Variants in PTK2 observed in about 807,000 individuals in gnomAD.
PTK2 encodes the protein protein tyrosine kinase 2, also known as focal adhesion kinase 1.
PTK2 carries 45 observed loss-of-function variants against 150.1 expected under a neutral mutation model. The ratio of observed to expected loss-of-function variants is 0.30; its 90% CI spans 0.24 to 0.38. The LOEUF is 0.38. Ranked by LOEUF, PTK2 falls within the 10% of genes least tolerant of loss-of-function variation. The pLI is 1.00. For missense variants in PTK2, 919 were observed against 1,307.3 expected, an observed-to-expected ratio of 0.70 and a Z score of 4.58; for synonymous variants, 432 against 449.2, an observed-to-expected ratio of 0.96 and a Z score of 0.48.
chr8:140,883,627 T>C (rs1025219723), intron 3 of PTK2, among the ~76,000 whole-genome samples: 8 of 152,332 alleles, frequency 5.3e-5, no homozygotes, highest in East Asian at 3.9e-4. Flanking sequence ...GCTTTCATCA[T>C]TGGGTTATCA....
intron 22 of PTK2, chr8:140,734,851 A>G (rs2100051674): frequency 4.2e-6 from 2 of 475,728 alleles, no homozygotes; most frequent in Non-Finnish European, 8.4e-6. Context: ...TGAAGACAGC[A>G]TGTGAAAACG....
At chr8:140,665,082 C>T in intron 30 of PTK2, 85 bp from the exon 35 acceptor site, 6 of 1,276,204 alleles carry the variant, frequency 4.7e-6, no homozygotes, top group Non-Finnish European at 6.5e-6. Flanking sequence ...TATTTCCTTT[C>T]CACAAGTTTC....
At chr8:140,790,844 A>G (rs2100088003) in intron 13 of PTK2, among the ~76,000 whole-genome samples, 2 of 152,330 alleles carry the variant, frequency 1.3e-5, no homozygotes, top group South Asian at 2.1e-4. Context: ...TCTTTGAACT[A>G]TATTTATTGG....
At chr8:140,953,192 T>TC (rs750934751) in intron 1 of PTK2, among the ~76,000 whole-genome samples, 49 of 151,828 alleles carry the variant, frequency 3.2e-4, no homozygotes, top group Non-Finnish European at 5.6e-4. Context: ...ATGCTCCTAG[T>TC]CCCCCCCAGT....
intron 10 of PTK2, 103 bp from the exon 11 acceptor site, chr8:140,803,753 CCTA>C: frequency 9.4e-7 from 1 of 1,061,318 alleles, no homozygotes; most frequent in Admixed American, 2.1e-5. Flanking sequence ...AGACATCCTC[CCTA>C]AGACTGGAGG....
intron 7 of PTK2, among the ~76,000 whole-genome samples, chr8:140,837,887 C>A (rs1173752988): frequency 6.6e-6 from 1 of 151,940 alleles, no homozygotes; most frequent in African/African-American, 2.4e-5. Flanking sequence ...GGTAAAACCC[C>A]ATCTCTACTA....
At position 140,818,373 on chromosome 8, in the gene PTK2, G is replaced by T; in HGVS notation, c.790-19C>A. Reference sequence around the variant, plus strand: ...AGCTTGACTTTTGAAGGTGAAACAAGTGAGAACAGAGGTGGCAGAAGGAAA... The same window carrying T: ...AGCTTGACTTTTGAAGGTGAAACAATTGAGAACAGAGGTGGCAGAAGGAAA... On this transcript the variant is annotated intron_variant, in intron 9 of 31. Coordinates refer to ENST00000522684, the Ensembl canonical transcript of PTK2. 1 of 1,601,462 alleles carries T rather than the reference G, an allele frequency of 6.2e-7. No homozygotes were observed. Among genetic ancestry groups the T allele is most frequent in the Non-Finnish European group, 8.6e-7 (1 of 1,168,468 alleles).
intron 10 of PTK2, among the ~76,000 whole-genome samples, chr8:140,817,215 G>T (rs2100105224): frequency 2.0e-5 from 3 of 151,526 alleles, no homozygotes; most frequent in Admixed American, 2.0e-4. Flanking sequence ...AAACACAGAA[G>T]ATTACTAAAT....
At chr8:140,679,542 G>A (rs909357994) in intron 27 of PTK2, among the ~76,000 whole-genome samples, 2 of 152,100 alleles carry the variant, frequency 1.3e-5, no homozygotes, top group Non-Finnish European at 2.9e-5. Flanking sequence ...GCTAGGCCTC[G>A]TGCATGGTTC....
intron 31 of PTK2, chr8:140,660,503 G>T: frequency 2.4e-6 from 1 of 420,974 alleles, no homozygotes; most frequent in Non-Finnish European, 4.8e-6. Flanking sequence ...GCAGGCTGAC[G>T]GCTTGAGCTC....
At chr8:140,928,381 A>C (rs1032987641) in intron 1 of PTK2, among the ~76,000 whole-genome samples, 1 of 152,234 alleles carries the variant, frequency 6.6e-6, no homozygotes, top group Admixed American at 6.5e-5. Context: ...TACAACTGCT[A>C]TGGAAAACAA....
At chr8:140,736,632 G>T (rs191667344) in intron 21 of PTK2, among the ~76,000 whole-genome samples, 1 of 152,268 alleles carries the variant, frequency 6.6e-6, no homozygotes, top group Non-Finnish European at 1.5e-5. Context: ...AACTGGTGGC[G>T]TAAAGGATGG....
intron 5 of PTK2, among the ~76,000 whole-genome samples, chr8:140,856,971 G>A: frequency 6.6e-6 from 1 of 152,124 alleles, no homozygotes; most frequent in East Asian, 1.9e-4. Context: ...CTAAGTGGTG[G>A]GTATGCTGGT....
At chr8:140,867,503 G>C (rs1407108706) in intron 4 of PTK2, among the ~76,000 whole-genome samples, 1 of 152,178 alleles carries the variant, frequency 6.6e-6, no homozygotes, top group Non-Finnish European at 1.5e-5. Context: ...CTTAACTCAA[G>C]CCTGCTTATG....
chr8:140,708,968 CAAA>C (rs34259948), intron 23 of PTK2, among the ~76,000 whole-genome samples: 2 of 132,498 alleles, frequency 1.5e-5, no homozygotes, highest in Admixed American at 7.9e-5. Context: ...TAAATTCAGG[CAAA>C]AAAAAAAAAA....
chr8:140,971,268 G>GA lies in PTK2; in HGVS notation c.-122+29856dup, dbSNP rs375934697. Among the ~76,000 whole-genome samples the GA allele has an allele frequency of 2.8e-3, 420 of 152,324 alleles. 3 individuals are homozygous for GA. In the Middle Eastern group the frequency reaches 0.041, roughly 15 times the overall value. ...TGCTGCACAAATTTACAAAAATTAT[G>GA]AAAGTATTATGGTTATTCATCAGCA... On this transcript the variant is annotated intron_variant, in intron 1 of 31. Coordinates refer to ENST00000522684, the Ensembl canonical transcript of PTK2.
chr8:140,955,276 C>T (rs111978645), intron 1 of PTK2, among the ~76,000 whole-genome samples: 2,929 of 152,242 alleles, frequency 0.019, 99 homozygotes, highest in African/African-American at 0.066. Flanking sequence ...GCAGGTCTTT[C>T]CCGTGTTCTT....
chr8:140,905,294 G>C (rs2100160404), intron 2 of PTK2, among the ~76,000 whole-genome samples: 1 of 151,850 alleles, frequency 6.6e-6, no homozygotes, highest in Admixed American at 6.6e-5. Context: ...CATGTGCAAA[G>C]ACACACACAG....
chr8:140,818,895 G>A (rs1405432193), exon 9 of PTK2: 2 of 1,613,294 alleles, frequency 1.2e-6, no homozygotes, highest in East Asian at 2.2e-5. Flanking sequence ...GAGCACACTT[G>A]AAGCATTCCT....
Sources: gnomAD v4.1 joint callset for allele counts (sites outside exome capture counted in the v4.1 genomes callset) on GRCh38, gnomAD v4.1.1 for gene constraint, MANE v1.5 for transcripts, NCBI Gene and HGNC (gene_info 2026-07-23, HGNC 2026-07-21) for gene names.